AGTPBP1: variants seen among roughly 807,000 people sequenced by gnomAD.
AGTPBP1 encodes ATP/GTP binding carboxypeptidase 1.
In AGTPBP1, 70 loss-of-function variants were observed where a neutral mutation model predicts 143.9. The ratio of observed to expected loss-of-function variants is 0.49; its 90% CI spans 0.40 to 0.59. AGTPBP1 has a LOEUF of 0.59. AGTPBP1 is among the 20% of genes least tolerant of loss of function. The probability of loss-of-function intolerance (pLI) is 0.00; values close to 1 mark genes in which losing one functional copy is unlikely to be tolerated. For synonymous variants in AGTPBP1, 463 were observed against 500.2 expected, an observed-to-expected ratio of 0.93 and a Z score of 0.99; for missense variants, 1,229 against 1,464.5, an observed-to-expected ratio of 0.84 and a Z score of 2.62.
chr9:85,709,252 G>A (rs1837212631), intron 2 of AGTPBP1, among the ~76,000 whole-genome samples: 1 of 152,082 alleles, frequency 6.6e-6, no homozygotes, highest in Non-Finnish European at 1.5e-5. Flanking sequence ...GACAGAAAAA[G>A]TATTTCACAA....
At chr9:85,753,532 T>C in the AGTPBP1 span, 4 of 1,399,388 alleles carry the variant, frequency 2.9e-6, no homozygotes, top group Non-Finnish European at 2.9e-6. Flanking sequence ...GGTGGGTGGA[T>C]CACCTGCGGT....
chr9:85,773,396 G>A, the AGTPBP1 span, among the ~76,000 whole-genome samples: 81 of 132,510 alleles, frequency 6.1e-4, no homozygotes, highest in African/African-American at 2.3e-3. Flanking sequence ...GCAATGGGGC[G>A]ATCTTGGCTC....
chr9:85,645,530 C>A (rs1262799564), intron 12 of AGTPBP1, among the ~76,000 whole-genome samples: 1 of 152,128 alleles, frequency 6.6e-6, no homozygotes, highest in Non-Finnish European at 1.5e-5. Context: ...TCTATTAAGA[C>A]AGAAATCTTC....
intron 4 of AGTPBP1, among the ~76,000 whole-genome samples, chr9:85,680,852 T>C (rs1377807743): frequency 6.6e-6 from 1 of 152,212 alleles, no homozygotes; most frequent in East Asian, 1.9e-4. Flanking sequence ...TTAACCAATA[T>C]GTGTAGTAAA....
At chr9:85,775,303 CAA>C in the AGTPBP1 span, among the ~76,000 whole-genome samples, 3 of 138,706 alleles carry the variant, frequency 2.2e-5, no homozygotes, top group Admixed American at 7.4e-5. Flanking sequence ...GACCCTGTCT[CAA>C]AAAAAAAAAA....
chr9:85,753,785 GATAGATAGAT>G, the AGTPBP1 span, among the ~76,000 whole-genome samples: 1 of 151,792 alleles, frequency 6.6e-6, no homozygotes, highest in South Asian at 2.1e-4. Flanking sequence ...TAGATAGATA[GATAGATAGAT>G]AGATAGATAG....
intron 2 of AGTPBP1, among the ~76,000 whole-genome samples, chr9:85,699,489 A>C (rs1836505434): frequency 6.6e-6 from 1 of 152,180 alleles, no homozygotes; most frequent in Non-Finnish European, 1.5e-5. Flanking sequence ...AGGGATATAA[A>C]ACCTATATTC....
At chr9:85,762,717 A>G in the AGTPBP1 span, among the ~76,000 whole-genome samples, 1 of 151,190 alleles carries the variant, frequency 6.6e-6, no homozygotes, top group Admixed American at 6.6e-5. Flanking sequence ...ACATGTATAC[A>G]TATGTAACAA....
chr9:85,788,327 A>C, the AGTPBP1 span, among the ~76,000 whole-genome samples: 1 of 150,324 alleles, frequency 6.7e-6, no homozygotes, highest in Non-Finnish European at 1.5e-5. Flanking sequence ...TATAAATATA[A>C]ATCATAGAAA....
At chr9:85,667,790 TAAAAC>T (rs528091493) in intron 8 of AGTPBP1, among the ~76,000 whole-genome samples, 153 of 142,550 alleles carry the variant, frequency 1.1e-3, no homozygotes, top group Non-Finnish European at 1.8e-3. Flanking sequence ...CTTCAACAAA[TAAAAC>T]AAAACCAAAA....
chr9:85,716,656 G>A (rs901431662), intron 1 of AGTPBP1, among the ~76,000 whole-genome samples: 4 of 152,066 alleles, frequency 2.6e-5, no homozygotes, highest in East Asian at 1.9e-4. Flanking sequence ...CATCTACCAC[G>A]GTCAAGTAAA....
intron 2 of AGTPBP1, among the ~76,000 whole-genome samples, chr9:85,708,805 G>A (rs1837185391): frequency 6.6e-6 from 1 of 152,164 alleles, no homozygotes; most frequent in South Asian, 2.1e-4. Context: ...CAAAGTGCTG[G>A]GATTACAGGC....
chr9:85,557,535 G>T (rs1400556256), intron 25 of AGTPBP1, among the ~76,000 whole-genome samples: 2 of 152,144 alleles, frequency 1.3e-5, no homozygotes, highest in Non-Finnish European at 2.9e-5. Flanking sequence ...AGCAATAAAT[G>T]ATTCCCAGAA....
At position 85,655,309 on chromosome 9, in the gene AGTPBP1, T is replaced by A. The variant is rs1833426110; in HGVS notation, c.921A>T (p.Ala307=). The A allele has an allele frequency of 6.6e-7, 1 of 1,519,960 alleles. No homozygotes were observed. Among genetic ancestry groups the A allele is most frequent in the South Asian group, 1.3e-5 (1 of 77,934 alleles). The allele number at this position is 1,519,960 out of a possible 1,614,324, so 94.2% of individuals were successfully genotyped here. Residue 307 remains alanine (A), a synonymous_variant, in exon 11 of 26, where the codon GCA becomes GCT. Transcript: ENST00000357081. ...TGACAAGAGGATCCAGAGTCCTGACTGCCAGACATTCCTGTTTTTTAAAAA... is the reference window on the plus strand; with the variant it reads ...TGACAAGAGGATCCAGAGTCCTGACAGCCAGACATTCCTGTTTTTTAAAAA... ...ILYNTSQECL[A]VRTLDPLVNT...
In AGTPBP1 at chr9:85,596,450, C is replaced by A. The variant is rs1554699491; in HGVS notation, c.2336-1G>T. 1 of 1,553,512 alleles carries A rather than the reference C, an allele frequency of 6.4e-7. No individual in the cohort carries two copies. The highest frequency in any genetic ancestry group is 8.7e-7 in the Non-Finnish European group (1 of 1,151,424). ...ACCGAATACATGAGTGGTTGCATAC[C>A]TTTGAAAGAGAGAAAAAAAGAGAGA... On this transcript the variant is annotated splice_acceptor_variant, in intron 17 of 25. Transcript: ENST00000357081. LOFTEE classifies it high-confidence loss of function.
intron 14 of AGTPBP1, among the ~76,000 whole-genome samples, chr9:85,629,105 T>G (rs1295087544): frequency 1.3e-5 from 2 of 152,340 alleles, no homozygotes; most frequent in African/African-American, 4.8e-5. Flanking sequence ...AACATATCTA[T>G]GTTTAAAACA....
the AGTPBP1 span, among the ~76,000 whole-genome samples, chr9:85,772,838 G>A: frequency 6.6e-6 from 1 of 152,126 alleles, no homozygotes; most frequent in Admixed American, 6.5e-5. Context: ...TTGTCTAGAT[G>A]TTTCAAGAAT....
At chr9:85,642,710 T>C (rs1411703150) in intron 13 of AGTPBP1, 117 bp downstream of exon 13, 1 of 812,178 alleles carries the variant, frequency 1.2e-6, no homozygotes, top group Non-Finnish European at 2.0e-6. Context: ...AGAAAAGCAA[T>C]GCTAGTTTCA....
At chr9:85,801,353 T>G in the AGTPBP1 span, among the ~76,000 whole-genome samples, 1 of 152,188 alleles carries the variant, frequency 6.6e-6, no homozygotes, top group Admixed American at 6.5e-5. Flanking sequence ...ATACAGTAGA[T>G]GTATATATTT....
Sources: allele counts gnomAD v4.1 joint callset (sites outside exome capture counted in the v4.1 genomes callset), GRCh38; gene constraint gnomAD v4.1.1; transcripts MANE v1.5; gene names NCBI Gene and HGNC (gene_info 2026-07-23, HGNC 2026-07-21).